The following MYO1D variants were observed in gnomAD, a reference collection of about 807,000 sequenced individuals.
MYO1D encodes unconventional myosin-Id.
A neutral mutation model predicts 122.0 loss-of-function variants in MYO1D; 83 were observed. The ratio of observed to expected loss-of-function variants is 0.68; its 90% CI spans 0.57 to 0.82. The LOEUF is 0.82. Ranked by LOEUF, MYO1D falls within the 40% of genes least tolerant of loss-of-function variation. MYO1D has a pLI of 0.00. For synonymous variants in MYO1D, 464 were observed against 446.9 expected (o/e 1.04, Z -0.48); for missense variants, 1,157 against 1,269.5 (o/e 0.91, Z 1.35).
At chr17:32,811,026 T>C (rs1221676299) in intron 1 of MYO1D, among the ~76,000 whole-genome samples, 1 of 152,204 alleles carries the variant, frequency 6.6e-6, no homozygotes, top group East Asian at 1.9e-4. Context: ...AAAGTGAGTG[T>C]ATTCCTTAAG....
chr17:32,736,224 G>T (rs1409067950), intron 14 of MYO1D, among the ~76,000 whole-genome samples: 2 of 152,118 alleles, frequency 1.3e-5, no homozygotes, highest in Non-Finnish European at 2.9e-5. Context: ...AGCAGAGATT[G>T]CTAGGCTAGT....
Position 32,575,849 on chromosome 17 carries a change from G to T in MYO1D, c.2864+29238C>A, listed in dbSNP as rs530415974. On this transcript the variant is annotated intron_variant, in intron 21 of 21. Transcript: ENST00000318217. ...CTGTAGTGGCAATCAACCTGCCGGG[G>T]ATAGCATTCCATGGCAACAGAAAAG... Among the ~76,000 whole-genome samples the T allele has an allele frequency of 1.1e-4, 16 of 152,318 alleles. No homozygotes were observed. In the South Asian group the frequency reaches 3.3e-3, roughly 32 times the overall value.
intron 16 of MYO1D, among the ~76,000 whole-genome samples, chr17:32,674,892 G>A (rs2088783482): frequency 6.6e-6 from 1 of 152,148 alleles, no homozygotes; most frequent in Non-Finnish European, 1.5e-5. Flanking sequence ...TTAGAATGTT[G>A]CAGGGAAGGG....
intron 19 of MYO1D, among the ~76,000 whole-genome samples, chr17:32,644,629 T>A (rs1178257112): frequency 6.6e-6 from 1 of 152,250 alleles, no homozygotes; most frequent in Non-Finnish European, 1.5e-5. Context: ...TTAGGACAGT[T>A]AGCTCTTCTT....
chr17:32,597,242 C>T (rs1038943454), intron 21 of MYO1D, among the ~76,000 whole-genome samples: 4 of 152,258 alleles, frequency 2.6e-5, no homozygotes, highest in South Asian at 2.1e-4. Context: ...ATATTGGTCG[C>T]AGAAGGTTTA....
chr17:32,516,102 A>T (rs1410191831), intron 21 of MYO1D, among the ~76,000 whole-genome samples: 1 of 152,268 alleles, frequency 6.6e-6, no homozygotes, highest in Non-Finnish European at 1.5e-5. Flanking sequence ...TTAAGCGAGT[A>T]CATAATGCAT....
At chr17:32,816,875 T>C (rs1001656888) in intron 1 of MYO1D, among the ~76,000 whole-genome samples, 2 of 152,154 alleles carry the variant, frequency 1.3e-5, no homozygotes, top group African/African-American at 4.8e-5. Flanking sequence ...ACAGTCCCTT[T>C]TTGAATTTTT....
At chr17:32,581,325 C>G (rs1257982006) in intron 21 of MYO1D, among the ~76,000 whole-genome samples, 1 of 151,940 alleles carries the variant, frequency 6.6e-6, no homozygotes, top group East Asian at 1.9e-4. Flanking sequence ...GTGTCTTCTG[C>G]TTTTCCTCAT....
intron 17 of MYO1D, chr17:32,658,853 T>C: frequency 2.1e-6 from 1 of 469,384 alleles, no homozygotes; most frequent in East Asian, 3.8e-5. Context: ...TGCTAGTAGC[T>C]TATCTTAACT....
At chr17:32,868,596 G>T (rs1328075367) in intron 1 of MYO1D, among the ~76,000 whole-genome samples, 2 of 152,150 alleles carry the variant, frequency 1.3e-5, no homozygotes, top group African/African-American at 4.8e-5. Context: ...GCAGTTATGG[G>T]GTCAGGGTAG....
At chr17:32,776,227 G>T (rs1160624217) in intron 3 of MYO1D, among the ~76,000 whole-genome samples, 198 bp from the exon 4 acceptor site, 1 of 151,640 alleles carries the variant, frequency 6.6e-6, no homozygotes, top group Non-Finnish European at 1.5e-5. Flanking sequence ...CCAATATAAT[G>T]AAATACTATA....
At chr17:32,621,449 T>C (rs1417825422) in intron 20 of MYO1D, among the ~76,000 whole-genome samples, 2 of 152,046 alleles carry the variant, frequency 1.3e-5, no homozygotes, top group African/African-American at 4.8e-5. Flanking sequence ...TTTCCCTCCT[T>C]ACCTGCCAGG....
chr17:32,873,595 C>G (rs1461499659), intron 1 of MYO1D, among the ~76,000 whole-genome samples: 1 of 152,196 alleles, frequency 6.6e-6, no homozygotes, highest in Non-Finnish European at 1.5e-5. Context: ...TTCTGGTCAC[C>G]TTCTGCAAAG....
chr17:32,548,311 C>G (rs2086981824), intron 21 of MYO1D, among the ~76,000 whole-genome samples: 2 of 151,562 alleles, frequency 1.3e-5, no homozygotes, highest in South Asian at 4.2e-4. Context: ...CGTATATAGT[C>G]CCAGCTACTG....
At chr17:32,621,855 T>C (rs764431157) in intron 20 of MYO1D, among the ~76,000 whole-genome samples, 6 of 152,188 alleles carry the variant, frequency 3.9e-5, no homozygotes, top group Non-Finnish European at 8.8e-5. Flanking sequence ...GGCCAGAACC[T>C]GCTTCCTCCT....
chr17:32,631,130 A>G (rs996770530), intron 20 of MYO1D, among the ~76,000 whole-genome samples: 1 of 152,250 alleles, frequency 6.6e-6, no homozygotes, highest in African/African-American at 2.4e-5. Context: ...AACACAATTC[A>G]GTCTGTAACA....
intron 8 of MYO1D, among the ~76,000 whole-genome samples, chr17:32,763,728 T>C (rs2090026122): frequency 6.6e-6 from 1 of 152,190 alleles, no homozygotes; most frequent in African/African-American, 2.4e-5. Context: ...GAGACCAGCC[T>C]GGTCAACATG....
intron 12 of MYO1D, among the ~76,000 whole-genome samples, chr17:32,746,898 C>T (rs2089843781): frequency 1.3e-5 from 2 of 152,316 alleles, no homozygotes; most frequent in East Asian, 1.9e-4. Flanking sequence ...TAAGTTTCTT[C>T]ATCTGTAAAA....
chr17:32,756,471 A>G (rs1235883639), intron 10 of MYO1D, among the ~76,000 whole-genome samples: 1 of 152,002 alleles, frequency 6.6e-6, no homozygotes, highest in East Asian at 1.9e-4. Flanking sequence ...AAATATCAAC[A>G]TTATGTGTAC....
Sources: gnomAD v4.1 joint callset for allele counts (sites outside exome capture counted in the v4.1 genomes callset) on GRCh38, gnomAD v4.1.1 for gene constraint, MANE v1.5 for transcripts, NCBI Gene and HGNC (gene_info 2026-07-23, HGNC 2026-07-21) for gene names.